Variants in MT1X observed in about 807,000 individuals in gnomAD.
MT1X encodes metallothionein 1X, also known as metallothionein-1X.
In MT1X, 7 loss-of-function variants were observed where a neutral mutation model predicts 8.6. The observed-to-expected ratio is 0.81, with a 90% CI of 0.46 to 1.52. The LOEUF (loss-of-function observed/expected upper bound fraction) is 1.52, where lower values mean the gene tolerates loss of function less well. Ranked by LOEUF, MT1X falls within the 40% of genes most tolerant of loss-of-function variation. MT1X has a pLI of 0.01. For missense variants in MT1X, 72 were observed against 74.3 expected, an observed-to-expected ratio of 0.97 and a Z score of 0.11; for synonymous variants, 25 against 27.6, an observed-to-expected ratio of 0.91 and a Z score of 0.30.
At chr16:56,682,739 G>A in intron 1 of MT1X, 171 bp downstream of exon 1, 1 of 810,496 alleles carries the variant, frequency 1.2e-6, no homozygotes, top group South Asian at 1.7e-5. Context: ...GCCTCCCTGT[G>A]CCTCTAAGTT....
At chr16:56,682,645 GTCGCATTTAA>G in intron 1 of MT1X, 77 bp downstream of exon 1, 2 of 1,574,102 alleles carry the variant, frequency 1.3e-6, no homozygotes, top group Non-Finnish European at 1.7e-6. Context: ...GTTTGAAGAA[GTCGCATTTAA>G]AGTTCTGAGC....
rs146797719 is a variant in MT1X at position 56,682,480 on chromosome 16, T to C, written c.-61T>C. 418 of 1,605,364 alleles carry C rather than the reference T, an allele frequency of 2.6e-4. 3 individuals are homozygous for C. The East Asian group carries it at 7.7e-3, about 29-fold the overall frequency. On this transcript the variant is annotated 5_prime_UTR_variant, in exon 1 of 3. Transcript: ENST00000394485. The stretch of plus-strand genomic sequence containing the variant: ...CGGCTTCTGGGCTCCACCACGCTTT[T>C]CATCTGTCCCGCTGCGTGTTTTCCT...
In MT1X at chr16:56,682,523, G is replaced by A. The variant is rs367785767; in HGVS notation, c.-18G>A. 3.1e-6 allele frequency: 5 copies of A among 1,614,192 alleles called. No homozygotes were observed. Among genetic ancestry groups the A allele is most frequent in the Non-Finnish European group, 4.2e-6 (5 of 1,180,024 alleles). On this transcript the variant is annotated 5_prime_UTR_variant, in exon 1 of 3. Transcript: ENST00000394485. ...GTTTTCCTCTTGATCGGGAACTCCT[G>A]CTTCTCCTTGCCTCGAAATGGACCC...
Position 56,683,233 on chromosome 16 carries a change from G to T in MT1X, c.94+3G>T, listed in dbSNP as rs777695988. On this transcript the variant is annotated splice_donor_region_variant and intron_variant, in intron 2 of 2. Transcript: ENST00000394485. ...CAAATGCACCTCCTGCAAGAAGAGT[G>T]AGTGCAGGGCCTTCCCTGCGAATCT... 1.2e-5 allele frequency: 19 copies of T among 1,613,914 alleles called. No homozygotes were observed. Among genetic ancestry groups the T allele is most frequent in the Non-Finnish European group, 1.2e-5 (14 of 1,179,870 alleles).
intron 2 of MT1X, 114 bp from the exon 3 acceptor site, chr16:56,683,844 C>G (rs528043616): frequency 6.9e-7 from 1 of 1,459,222 alleles, no homozygotes; most frequent in Non-Finnish European, 9.4e-7. Context: ...GCCATGCCAT[C>G]CTGAAATGAT....
At chr16:56,682,960 C>T in intron 1 of MT1X, 2 of 648,848 alleles carry the variant, frequency 3.1e-6, no homozygotes, top group East Asian at 5.7e-5. Context: ...TGGGACCTTG[C>T]TTGTGGGGTA....
chr16:56,684,138 C>A lies in MT1X; in HGVS notation c.*89C>A. The A allele has an allele frequency of 7.1e-7, 1 of 1,414,676 alleles. No homozygotes were observed. The highest frequency in any genetic ancestry group is 9.5e-7 in the Non-Finnish European group (1 of 1,052,016). The allele number at this position is 1,414,676 out of a possible 1,614,324, so 87.6% of individuals were successfully genotyped here. A position where few individuals can be genotyped will look rare whatever the true frequency, so the allele number is the denominator to read the frequency against. ...TTTTTTTTTTTGTACAACCCTGACC[C>A]GTTTGCTACATCTTTTTTTCTATGA... On this transcript the variant is annotated 3_prime_UTR_variant, in exon 3 of 3. Coordinates refer to ENST00000394485, the MANE Select transcript of MT1X (RefSeq NM_005952.4).
At chr16:56,682,615 A>G (rs757620121) in intron 1 of MT1X, 47 bp downstream of exon 1, 1 of 1,610,466 alleles carries the variant, frequency 6.2e-7, no homozygotes, top group South Asian at 1.1e-5. Flanking sequence ...TTTCCCAGCC[A>G]CAGTACAGAC....
chr16:56,683,085 G>A, intron 1 of MT1X, 80 bp from the exon 2 acceptor site: 2 of 1,534,930 alleles, frequency 1.3e-6, no homozygotes, highest in Non-Finnish European at 1.8e-6. Context: ...ACAGAGGAGG[G>A]GTCACTGAAG....
rs1442859131 is a variant in MT1X at position 56,682,474 on chromosome 16, C to A, written c.-67C>A. On this transcript the variant is annotated 5_prime_UTR_variant, in exon 1 of 3. Coordinates refer to ENST00000394485, the MANE Select transcript of MT1X (RefSeq NM_005952.4). ...AGCCGCCGGCTTCTGGGCTCCACCA[C>A]GCTTTTCATCTGTCCCGCTGCGTGT... is the stretch of plus-strand genomic sequence containing the variant. 1 of 1,594,788 alleles carries A rather than the reference C, an allele frequency of 6.3e-7. No homozygotes were observed. The highest frequency in any genetic ancestry group is 8.6e-7 in the Non-Finnish European group (1 of 1,162,756).
chr16:56,682,864 G>C (rs1256429339), intron 1 of MT1X: 1 of 591,524 alleles, frequency 1.7e-6, no homozygotes, highest in African/African-American at 1.9e-5. Context: ...AGGGTGGATG[G>C]GAAGTGGGGG....
chr16:56,683,909 G>A (rs529639006), intron 2 of MT1X, 49 bp from the exon 3 acceptor site: 1 of 1,611,522 alleles, frequency 6.2e-7, no homozygotes, highest in African/African-American at 1.3e-5. Context: ...GGGCAGGGAG[G>A]TGCCTGATTG....
chr16:56,683,555 G>A (rs771135276), intron 2 of MT1X: 204 of 396,954 alleles, frequency 5.1e-4, no homozygotes, highest in Non-Finnish European at 8.1e-4. Flanking sequence ...GGAAGACCCC[G>A]GGTGATTTCA....
chr16:56,683,662 T>G (rs35188891), intron 2 of MT1X: 33,811 of 435,652 alleles, frequency 0.078, 2,473 homozygotes, highest in African/African-American at 0.27. Flanking sequence ...TGTCCGGCTG[T>G]GAAGACTTTC....
chr16:56,682,575 G>A lies in MT1X; in HGVS notation c.28+7G>A. 2 of 1,614,186 alleles carry A rather than the reference G, an allele frequency of 1.2e-6. No homozygotes were observed. The highest frequency in any genetic ancestry group is 2.2e-5 in the East Asian group (1 of 44,876). On this transcript the variant is annotated splice_region_variant and intron_variant, in intron 1 of 2. Transcript: ENST00000394485. ...AACTGCTCCTGCTCGCCTGGTAAGGGACACCTAGCTCCGCGCCTTGGGATG... is the reference window on the plus strand; with the variant it reads ...AACTGCTCCTGCTCGCCTGGTAAGGAACACCTAGCTCCGCGCCTTGGGATG...
Position 56,684,100 on chromosome 16 carries a change from T to TG in MT1X, c.*53dup. On this transcript the variant is annotated 3_prime_UTR_variant, in exon 3 of 3. Coordinates refer to ENST00000394485, the MANE Select transcript of MT1X (RefSeq NM_005952.4). ...GTAAATAGAGCAACCTATATAAACC[T>TG]GGATTTTTTTTTTTTTTTTTTTTGT... 6.8e-7 allele frequency: 1 copy of TG among 1,460,460 alleles called. No homozygotes were observed. Among genetic ancestry groups the TG allele is most frequent in the Non-Finnish European group, 9.2e-7 (1 of 1,089,558 alleles). The allele number at this position is 1,460,460 out of a possible 1,614,324, so 90.5% of individuals were successfully genotyped here.
In MT1X at chr16:56,683,945, C is replaced by G. The variant is rs373503742; in HGVS notation, c.95-13C>G. ...AGTCTGCTCTGACCTCTCACTCTCCCCTTCTTCTCCAGGCTGCTGCTCCTG... is the reference window on the plus strand; with the variant it reads ...AGTCTGCTCTGACCTCTCACTCTCCGCTTCTTCTCCAGGCTGCTGCTCCTG... On this transcript the variant is annotated splice_polypyrimidine_tract_variant and intron_variant, in intron 2 of 2. Coordinates refer to ENST00000394485, the MANE Select transcript of MT1X (RefSeq NM_005952.4). 6.2e-7 allele frequency: 1 copy of G among 1,613,928 alleles called. No homozygotes were observed. Among genetic ancestry groups the G allele is most frequent in the Non-Finnish European group, 8.5e-7 (1 of 1,179,926 alleles).
Position 56,682,544 on chromosome 16 carries a change from G to T in MT1X, c.4G>T (p.Asp2Tyr), listed in dbSNP as rs1369808230. 1 of 1,614,176 alleles carries T rather than the reference G, an allele frequency of 6.2e-7. No individual in the cohort carries two copies. Among genetic ancestry groups the T allele is most frequent in the South Asian group, 1.1e-5 (1 of 91,082 alleles). M[D>Y]PNCSCSPVGS... is the part of the protein sequence containing the mutation. ...TCCTGCTTCTCCTTGCCTCGAAATG[G>T]ACCCCAACTGCTCCTGCTCGCCTGG... The change falls in exon 1 of 3, where the codon GAC becomes TAC. Residue 2 changes from aspartate (D) to tyrosine (Y), a missense_variant. Coordinates refer to ENST00000394485, the MANE Select transcript of MT1X (RefSeq NM_005952.4).
At chr16:56,682,837 C>T in intron 1 of MT1X, 1 of 597,626 alleles carries the variant, frequency 1.7e-6, no homozygotes, top group Non-Finnish European at 2.9e-6. Flanking sequence ...AATGCTCTGA[C>T]CAGGCTCTGA....
Sources: gnomAD v4.1 joint callset for allele counts on GRCh38, gnomAD v4.1.1 for gene constraint, MANE v1.5 for transcripts, NCBI Gene and HGNC (gene_info 2026-07-23, HGNC 2026-07-21) for gene names.